The following MAST4 variants were observed in gnomAD, a reference collection of about 807,000 sequenced individuals.
MAST4 encodes microtubule-associated serine/threonine-protein kinase 4.
MAST4 carries 89 observed loss-of-function variants against 162.7 expected under a neutral mutation model. The observed-to-expected ratio is 0.55, with a 90% CI of 0.46 to 0.65. The LOEUF (loss-of-function observed/expected upper bound fraction) is 0.65, where lower values mean the gene tolerates loss of function less well. Ranked by LOEUF, MAST4 falls within the 30% of genes least tolerant of loss-of-function variation. The probability of loss-of-function intolerance (pLI) is 0.00; values close to 1 mark genes in which losing one functional copy is unlikely to be tolerated. For synonymous variants in MAST4, 1,479 were observed against 1,361.1 expected (o/e 1.09, Z -1.91); for missense variants, 3,153 against 3,374.0 (o/e 0.93, Z 1.62).
At chr5:66,598,364 A>G (rs558964586) in intron 1 of MAST4, among the ~76,000 whole-genome samples, 49 of 152,348 alleles carry the variant, frequency 3.2e-4, no homozygotes, top group African/African-American at 1.1e-3. Context: ...GTTCAGTTCC[A>G]TAATCTGTAA....
In MAST4 at chr5:66,672,884, G is replaced by A. The variant is rs149229277; in HGVS notation, c.363+75866G>A. Among the ~76,000 whole-genome samples, 496 of 152,236 alleles carry A rather than the reference G, an allele frequency of 3.3e-3. 1 individual carries two copies. Among genetic ancestry groups the A allele is most frequent in the African/African-American group, 0.011 (464 of 41,538 alleles). ...TAATGCCTGATTGATCTCTCTAGTG[G>A]CCTATCAGGTACATATCCCCCAGCC... On this transcript the variant is annotated intron_variant, in intron 1 of 28. Coordinates refer to ENST00000403625, the MANE Select transcript of MAST4 (RefSeq NM_001164664.2).
At chr5:67,047,874 T>G (rs1020977049) in intron 4 of MAST4, among the ~76,000 whole-genome samples, 4 of 152,264 alleles carry the variant, frequency 2.6e-5, no homozygotes, top group Admixed American at 6.5e-5. Flanking sequence ...ATAGTGCTTA[T>G]CCAGCCAGCT....
chr5:66,966,333 GA>G (rs1253458390), intron 4 of MAST4, among the ~76,000 whole-genome samples: 1 of 152,084 alleles, frequency 6.6e-6, no homozygotes, highest in Non-Finnish European at 1.5e-5. Context: ...CTAAGTGTTT[GA>G]AAAAATGCTT....
intron 1 of MAST4, among the ~76,000 whole-genome samples, chr5:66,676,947 G>A (rs1315612543): frequency 1.3e-5 from 2 of 152,182 alleles, no homozygotes; most frequent in Admixed American, 1.3e-4. Flanking sequence ...CCATTATTGG[G>A]AGTTGGGCTA....
intron 13 of MAST4, among the ~76,000 whole-genome samples, chr5:67,119,391 G>C (rs1013078935): frequency 2.6e-5 from 4 of 152,132 alleles, no homozygotes; most frequent in African/African-American, 9.7e-5. Context: ...CCTCAATTGT[G>C]AACACCAAAA....
intron 1 of MAST4, among the ~76,000 whole-genome samples, chr5:66,686,493 T>C (rs950998963): frequency 5.3e-5 from 8 of 152,192 alleles, no homozygotes; most frequent in African/African-American, 1.7e-4. Context: ...GCTATTTTAA[T>C]AAGACTTGAA....
At chr5:66,978,287 G>A (rs574519145) in intron 4 of MAST4, among the ~76,000 whole-genome samples, 1 of 152,312 alleles carries the variant, frequency 6.6e-6, no homozygotes, top group South Asian at 2.1e-4. Flanking sequence ...GTAGTAATGA[G>A]AGTAGGGTTT....
intron 5 of MAST4, among the ~76,000 whole-genome samples, chr5:67,078,915 T>TATATATATA (rs1762179059): frequency 3.5e-5 from 1 of 28,532 alleles, no homozygotes; most frequent in Non-Finnish European, 8.0e-5. Context: ...TATATAAATA[T>TATATATATA]ATATATATAT....
intron 3 of MAST4, among the ~76,000 whole-genome samples, chr5:66,810,705 A>G (rs1161418724): frequency 1.3e-5 from 2 of 152,136 alleles, no homozygotes; most frequent in Non-Finnish European, 2.9e-5. Flanking sequence ...CATTGGGCCT[A>G]CTGACAACAG....
rs1405395117 is a variant in MAST4, at chr5:67,167,193, CAA to C, written c.*144_*145del. 2.8e-6 allele frequency: 1 copy of C among 356,178 alleles called. No homozygotes were observed. The highest frequency in any genetic ancestry group is 7.9e-5 in the East Asian group (1 of 12,636). The allele number at this position is 356,178 out of a possible 1,614,324, so 22.1% of individuals were successfully genotyped here. A position where few individuals can be genotyped will look rare whatever the true frequency, so the allele number is the denominator to read the frequency against. On this transcript the variant is annotated 3_prime_UTR_variant, in exon 29 of 29. Coordinates refer to ENST00000403625, the MANE Select transcript of MAST4 (RefSeq NM_001164664.2). The stretch of plus-strand genomic sequence containing the variant: ...CATTGAGACAGGGGAGAGAGAAAGA[CAA>C]AGAGGGGACCTTCTTCCAGATGCCT...
intron 1 of MAST4, among the ~76,000 whole-genome samples, chr5:66,694,107 C>T (rs1749237101): frequency 7.9e-5 from 12 of 152,166 alleles, no homozygotes; most frequent in Admixed American, 7.8e-4. Context: ...ATGGACTAAG[C>T]ATCAGAATCG....
intron 4 of MAST4, among the ~76,000 whole-genome samples, chr5:66,943,735 G>A (rs1387304202): frequency 6.7e-6 from 1 of 149,246 alleles, no homozygotes; most frequent in African/African-American, 2.6e-5. Context: ...GCTGGGAAAT[G>A]TGTGTTCAGC....
chr5:66,767,285 G>GATAAGAGAT, intron 2 of MAST4, among the ~76,000 whole-genome samples: 1 of 151,730 alleles, frequency 6.6e-6, no homozygotes, highest in Non-Finnish European at 1.5e-5. Context: ...TGGGGGAGCA[G>GATAAGAGAT]GGCACTTACT....
chr5:67,085,019 T>C (rs920903468), intron 5 of MAST4, among the ~76,000 whole-genome samples: 1 of 152,188 alleles, frequency 6.6e-6, no homozygotes, highest in African/African-American at 2.4e-5. Context: ...TATGAGCACA[T>C]TTAATATATT....
intron 1 of MAST4, among the ~76,000 whole-genome samples, chr5:66,734,717 A>G (rs1419143655): frequency 6.6e-6 from 1 of 152,220 alleles, no homozygotes; most frequent in Admixed American, 6.5e-5. Flanking sequence ...AGGCTAGTGC[A>G]ACTGAGGAAC....
chr5:66,846,310 G>A (rs183070974), intron 3 of MAST4, among the ~76,000 whole-genome samples: 3 of 152,304 alleles, frequency 2.0e-5, no homozygotes, highest in African/African-American at 7.2e-5. Flanking sequence ...TGTGGTTAGG[G>A]TATCTATGCG....
chr5:67,105,964 G>A (rs1765549698), intron 10 of MAST4, among the ~76,000 whole-genome samples: 1 of 152,110 alleles, frequency 6.6e-6, no homozygotes, highest in Non-Finnish European at 1.5e-5. Context: ...TCAACTCACT[G>A]ACATCCTCCT....
At chr5:66,690,732 G>C (rs1288613522) in intron 1 of MAST4, among the ~76,000 whole-genome samples, 9 of 152,166 alleles carry the variant, frequency 5.9e-5, no homozygotes, top group Non-Finnish European at 1.2e-4. Flanking sequence ...AATTGAGGAG[G>C]TGATTTTTAA....
intron 1 of MAST4, among the ~76,000 whole-genome samples, chr5:66,647,765 C>T (rs1745937076): frequency 1.3e-5 from 2 of 152,080 alleles, no homozygotes; most frequent in African/African-American, 4.8e-5. Flanking sequence ...CCTCTTTTGC[C>T]ACTGGCAGGC....
Sources: allele counts gnomAD v4.1 joint callset (sites outside exome capture counted in the v4.1 genomes callset), GRCh38; gene constraint gnomAD v4.1.1; transcripts MANE v1.5; gene names NCBI Gene and HGNC (gene_info 2026-07-23, HGNC 2026-07-21).